The following DPP6 variants were observed in gnomAD, a reference collection of about 807,000 sequenced individuals.
DPP6 encodes the protein dipeptidyl peptidase like 6.
A neutral mutation model predicts 122.6 loss-of-function variants in DPP6; 69 were observed. That is an observed-to-expected ratio of 0.56 (90% CI 0.46 to 0.69). The LOEUF (loss-of-function observed/expected upper bound fraction) is 0.69. Ranked by LOEUF, DPP6 falls within the 30% of genes least tolerant of loss-of-function variation. The pLI is 0.00. For synonymous variants in DPP6, 418 were observed against 433.1 expected (o/e 0.97, Z 0.43); for missense variants, 928 against 1,116.9 (o/e 0.83, Z 2.41).
chr7:154,097,850 G>A (rs1563197485), intron 1 of DPP6, among the ~76,000 whole-genome samples: 3 of 152,214 alleles, frequency 2.0e-5, no homozygotes, highest in Non-Finnish European at 4.4e-5. Context: ...CCTTCCTCAT[G>A]ATGTGGCATT....
At chr7:153,961,508 C>T (rs1795350097) in intron 1 of DPP6, among the ~76,000 whole-genome samples, 1 of 149,684 alleles carries the variant, frequency 6.7e-6, no homozygotes, top group Middle Eastern at 3.2e-3. Context: ...AGTCCCCAGA[C>T]TTTTTGGCAC....
intron 3 of DPP6, among the ~76,000 whole-genome samples, chr7:154,525,789 A>G (rs978376251): frequency 1.3e-5 from 2 of 148,552 alleles, no homozygotes; most frequent in Non-Finnish European, 3.0e-5. Context: ...TGTACCTATC[A>G]TTTCTCTTTT....
At chr7:154,021,794 T>G (rs1798712299) in intron 1 of DPP6, among the ~76,000 whole-genome samples, 2 of 152,232 alleles carry the variant, frequency 1.3e-5, no homozygotes, top group Admixed American at 6.5e-5. Flanking sequence ...GCTCCTGGAC[T>G]CTAAGCCTCC....
intron 1 of DPP6, among the ~76,000 whole-genome samples, chr7:154,416,540 C>A (rs1276861869): frequency 2.6e-5 from 4 of 152,110 alleles, no homozygotes; most frequent in Non-Finnish European, 4.4e-5. Flanking sequence ...AAAATAAAAT[C>A]TCTTACTGTG....
chr7:154,699,311 T>G (rs1259125970), intron 7 of DPP6, among the ~76,000 whole-genome samples: 1 of 152,196 alleles, frequency 6.6e-6, no homozygotes, highest in Non-Finnish European at 1.5e-5. Flanking sequence ...CTTAGAAAGA[T>G]ATTGAAAATT....
intron 1 of DPP6, among the ~76,000 whole-genome samples, chr7:153,903,135 T>G (rs540947293): frequency 6.6e-6 from 1 of 152,282 alleles, no homozygotes; most frequent in Admixed American, 6.5e-5. Context: ...CGGTGCTTGA[T>G]GGAACTATTC....
chr7:154,675,210 G>A (rs878936747), intron 7 of DPP6, among the ~76,000 whole-genome samples: 2 of 152,174 alleles, frequency 1.3e-5, no homozygotes, highest in African/African-American at 4.8e-5. Context: ...CCTGTCCGGG[G>A]GCGGGGGGCT....
intron 6 of DPP6, among the ~76,000 whole-genome samples, chr7:154,638,512 G>GC (rs1332319348): frequency 1.3e-5 from 2 of 152,052 alleles, no homozygotes; most frequent in East Asian, 1.9e-4. Flanking sequence ...TTTTGACTGG[G>GC]CCCCCCGGCT....
chr7:153,910,234 C>CTTTTTTCTTTTTTTT (rs750065238), intron 1 of DPP6, among the ~76,000 whole-genome samples: 3,832 of 137,470 alleles, frequency 0.028, 255 homozygotes, highest in African/African-American at 0.093. Context: ...TTCTTTCTTT[C>CTTTTTTCTTTTTTTT]TTTTTTTTTT....
intron 1 of DPP6, among the ~76,000 whole-genome samples, chr7:153,988,579 C>T (rs1426935690): frequency 1.3e-5 from 2 of 152,214 alleles, no homozygotes; most frequent in Non-Finnish European, 2.9e-5. Flanking sequence ...AGGCCGTTCC[C>T]AGCCCCATGA....
intron 1 of DPP6, among the ~76,000 whole-genome samples, chr7:153,944,867 TTTC>T (rs1464723419): frequency 2.0e-5 from 3 of 151,956 alleles, no homozygotes; most frequent in African/African-American, 7.2e-5. Flanking sequence ...CTGACCTCAG[TTTC>T]TTGTTTTTGA....
intron 8 of DPP6, among the ~76,000 whole-genome samples, chr7:154,763,421 G>A (rs1277281536): frequency 6.6e-6 from 1 of 151,966 alleles, no homozygotes; most frequent in Non-Finnish European, 1.5e-5. Context: ...AGAAAGAAAA[G>A]AAAAATGGCT....
the DPP6 span, among the ~76,000 whole-genome samples, chr7:153,816,107 G>T: frequency 2.0e-5 from 3 of 151,748 alleles, no homozygotes; most frequent in Non-Finnish European, 2.9e-5. Flanking sequence ...AGATAATACT[G>T]TATAATAGAA....
intron 1 of DPP6, among the ~76,000 whole-genome samples, chr7:153,977,147 C>T (rs1302753609): frequency 6.6e-6 from 1 of 152,056 alleles, no homozygotes; most frequent in African/African-American, 2.4e-5. Context: ...CTCCTCTTGG[C>T]CCAAAGGTTA....
At chr7:154,090,800 A>G (rs1392872004) in intron 1 of DPP6, among the ~76,000 whole-genome samples, 2 of 150,118 alleles carry the variant, frequency 1.3e-5, no homozygotes, top group Non-Finnish European at 3.0e-5. Flanking sequence ...GCCTGGAGCC[A>G]TAAATAGTTT....
At chr7:154,091,064 T>C (rs1297411805) in intron 1 of DPP6, among the ~76,000 whole-genome samples, 3 of 149,472 alleles carry the variant, frequency 2.0e-5, no homozygotes, top group African/African-American at 7.5e-5. Context: ...GAGCTTGCAG[T>C]GAGCCGAGAC....
intron 3 of DPP6, among the ~76,000 whole-genome samples, chr7:154,505,971 C>A (rs1825632317): frequency 6.6e-6 from 1 of 152,008 alleles, no homozygotes; most frequent in East Asian, 1.9e-4. Context: ...TTTGTCTACT[C>A]TCCCCCATTT....
the DPP6 span, among the ~76,000 whole-genome samples, chr7:153,856,890 CTGA>C: frequency 6.6e-6 from 1 of 152,290 alleles, no homozygotes; most frequent in East Asian, 1.9e-4. Flanking sequence ...AGAATGAGCT[CTGA>C]ACCAGACACT....
At chr7:153,923,156 A>G (rs1288082014) in intron 1 of DPP6, among the ~76,000 whole-genome samples, 18 of 152,162 alleles carry the variant, frequency 1.2e-4, no homozygotes, top group African/African-American at 4.3e-4. Context: ...AGAGGAATAG[A>G]AGGATTTGAG....
Sources: gnomAD v4.1 joint callset for allele counts (sites outside exome capture counted in the v4.1 genomes callset) on GRCh38, gnomAD v4.1.1 for gene constraint, MANE v1.5 for transcripts, NCBI Gene and HGNC (gene_info 2026-07-23, HGNC 2026-07-21) for gene names.